The following BST2 variants were observed in gnomAD, a reference collection of about 807,000 sequenced individuals.
BST2 encodes bone marrow stromal antigen 2.
BST2 carries 10 observed loss-of-function variants against 18.6 expected under a neutral mutation model. That is an observed-to-expected ratio of 0.54 (90% CI 0.33 to 0.91). The LOEUF (loss-of-function observed/expected upper bound fraction) is 0.91. Among genes scored for constraint, BST2 ranks in the 40% least tolerant of loss-of-function variants. The pLI is 0.02. For synonymous variants in BST2, 75 were observed against 96.8 expected, an observed-to-expected ratio of 0.77 and a Z score of 1.32; for missense variants, 183 against 228.4, an observed-to-expected ratio of 0.80 and a Z score of 1.28.
rs1246890780 is a variant in BST2 at position 17,405,385 on chromosome 19, C to A, written c.191G>T (p.Arg64Leu). 6.2e-7 allele frequency: 1 copy of A among 1,614,110 alleles called. No homozygotes were observed. Among genetic ancestry groups the A allele is most frequent in the Non-Finnish European group, 8.5e-7 (1 of 1,180,046 alleles). ...TTGTTGCAGGAGATGGGTGACATTG[C>A]GACACTCCATCACTGCCCGAAGGCC... Reference protein sequence around the residue: ...RDGLRAVMECRNVTHLLQQEL... With the variant: ...RDGLRAVMECLNVTHLLQQEL... The change falls in exon 1 of 5, where the codon CGC (arginine) becomes CTC (leucine). Residue 64 changes from arginine to leucine, a missense_variant. Arg to Leu is a moderately radical substitution (Grantham distance 102). Transcript: ENST00000252593.
At chr19:17,403,393 G>GGCCCCAAGCCCC in intron 4 of BST2, 67 bp from the exon 5 acceptor site, 1 of 1,042,882 alleles carries the variant, frequency 9.6e-7, no homozygotes, top group Non-Finnish European at 1.2e-6. Flanking sequence ...CTCCAAGCCC[G>GGCCCCAAGCCCC]GCCCCAAGCC....
intron 4 of BST2, 75 bp from the exon 5 acceptor site, chr19:17,403,401 GCCCC>G: frequency 3.1e-6 from 3 of 959,838 alleles, no homozygotes; most frequent in South Asian, 4.4e-5. Flanking sequence ...CCGGCCCCAA[GCCCC>G]GCCCCCATCG....
intron 1 of BST2, among the ~76,000 whole-genome samples, chr19:17,404,911 G>A (rs2074717057): frequency 6.6e-6 from 1 of 152,086 alleles, no homozygotes; most frequent in Admixed American, 6.5e-5. Context: ...TTCAGGGTCT[G>A]GTGAGGTCCC....
intron 3 of BST2, 139 bp downstream of exon 3, chr19:17,403,990 T>A (rs1192760698): frequency 7.5e-7 from 1 of 1,327,876 alleles, no homozygotes; most frequent in African/African-American, 1.5e-5. Flanking sequence ...GGCTAAGTTA[T>A]CCTTTTGTGG....
chr19:17,403,648 C>T, intron 4 of BST2, 32 bp downstream of exon 4: 2 of 1,578,506 alleles, frequency 1.3e-6, no homozygotes, highest in Non-Finnish European at 1.7e-6. Flanking sequence ...CAGCTTTCTT[C>T]TCCCTCCCGG....
In BST2 at chr19:17,405,388, C is replaced by T; in HGVS notation, c.188G>A (p.Cys63Tyr). ...CRDGLRAVME[C>Y]RNVTHLLQQE... ...TTGCAGGAGATGGGTGACATTGCGA[C>T]ACTCCATCACTGCCCGAAGGCCGTC... Residue 63 changes from cysteine to tyrosine, a missense_variant, in exon 1 of 5, where the codon TGT (cysteine) becomes TAT (tyrosine). Transcript: ENST00000252593. 6.2e-7 allele frequency: 1 copy of T among 1,614,258 alleles called. No individual in the cohort carries two copies. Among genetic ancestry groups the T allele is most frequent in the Non-Finnish European group, 8.5e-7 (1 of 1,180,042 alleles).
At chr19:17,403,912 G>A in intron 3 of BST2, 88 bp from the exon 4 acceptor site, 2 of 1,504,704 alleles carry the variant, frequency 1.3e-6, no homozygotes, top group Non-Finnish European at 1.8e-6. Flanking sequence ...AGTTCCCCCC[G>A]CACCGCCCCA....
chr19:17,403,728 A>T lies in BST2; in HGVS notation c.510T>A (p.Ile170=). ...GCAGAGCGCTGAGGCCCAGCAGCACAATCAGCAGCTGGGGCGCCGCAGCGG... is the reference window on the plus strand; with the variant it reads ...GCAGAGCGCTGAGGCCCAGCAGCACTATCAGCAGCTGGGGCGCCGCAGCGG... ...SSSAAAPQLL[I]VLLGLSALLQ Residue 170 remains isoleucine (I), a synonymous_variant, in exon 4 of 5, where the codon ATT becomes ATA. Transcript: ENST00000252593. The T allele has an allele frequency of 1.9e-6, 3 of 1,613,252 alleles. No homozygotes were observed. The highest frequency in any genetic ancestry group is 2.5e-6 in the Non-Finnish European group (3 of 1,179,686).
At chr19:17,404,223 G>A (rs1445378491) in intron 2 of BST2, 34 bp from the exon 3 acceptor site, 2 of 1,592,096 alleles carry the variant, frequency 1.3e-6, no homozygotes, top group Non-Finnish European at 1.7e-6. Flanking sequence ...CAGGGGGCGG[G>A]TCAGCATGTG....
rs553170848 is a variant in BST2, at chr19:17,403,453, C to T, written c.*16-127G>A. The T allele has an allele frequency of 2.4e-3, 1,967 of 813,600 alleles. 13 individuals carry two copies. The highest frequency in any genetic ancestry group is 0.018 in the Admixed American group (312 of 17,214). 50.4% of individuals were successfully genotyped at this position (813,600 alleles called of 1,614,324 possible). A position where few individuals can be genotyped will look rare whatever the true frequency, so the allele number is the denominator to read the frequency against. ...CACCCATCCATAAGCCCCTCCCCTC[C>T]ATCGATAGACCCGCCCCCATTGATA... On this transcript the variant is annotated intron_variant, in intron 4 of 4. Coordinates refer to ENST00000252593, the MANE Select transcript of BST2 (RefSeq NM_004335.4).
chr19:17,403,041 A>C lies in BST2; in HGVS notation c.*301T>G. Reference sequence around the variant, plus strand: ...AAAAAAACCCATAACAACAGGCAGCACATGCCCCCCACACCGCACCCCATG... The same window carrying C: ...AAAAAAACCCATAACAACAGGCAGCCCATGCCCCCCACACCGCACCCCATG... On this transcript the variant is annotated 3_prime_UTR_variant, in exon 5 of 5. Transcript: ENST00000252593. The C allele has an allele frequency of 1.0e-6, 1 of 984,440 alleles. No individual in the cohort carries two copies. Among genetic ancestry groups the C allele is most frequent in the Non-Finnish European group, 1.2e-6 (1 of 829,676 alleles). The allele number at this position is 984,440 out of a possible 1,614,324, so 61.0% of individuals were successfully genotyped here.
In BST2 at chr19:17,404,110, G is replaced by A. The variant is rs2074712078; in HGVS notation, c.413+19C>T. 1.9e-6 allele frequency: 3 copies of A among 1,573,036 alleles called. No individual in the cohort carries two copies. Among genetic ancestry groups the A allele is most frequent in the African/African-American group, 1.4e-5 (1 of 73,832 alleles). Reference sequence around the variant, plus strand: ...GGAATGTGGCAGGTGGAGGGTAGCGGGGGAAGGCTATCTCTGACCTCAGTC... The same window carrying A: ...GGAATGTGGCAGGTGGAGGGTAGCGAGGGAAGGCTATCTCTGACCTCAGTC... On this transcript the variant is annotated intron_variant, in intron 3 of 4. Coordinates refer to ENST00000252593, the MANE Select transcript of BST2 (RefSeq NM_004335.4).
chr19:17,403,176 C>CA lies in BST2; in HGVS notation c.*165dup. 1 of 991,424 alleles carries CA rather than the reference C, an allele frequency of 1.0e-6. No homozygotes were observed. Among genetic ancestry groups the CA allele is most frequent in the Non-Finnish European group, 1.2e-6 (1 of 833,408 alleles). 61.4% of individuals were successfully genotyped at this position (991,424 alleles called of 1,614,324 possible). A position where few individuals can be genotyped will look rare whatever the true frequency, so the allele number is the denominator to read the frequency against. The stretch of plus-strand genomic sequence containing the variant: ...TGTGTCCCCACACCCAGGACTTCCC[C>CA]ATGGCCCCTCCAGACCTGCTCCAGA... On this transcript the variant is annotated 3_prime_UTR_variant, in exon 5 of 5. Coordinates refer to ENST00000252593, the MANE Select transcript of BST2 (RefSeq NM_004335.4).
At chr19:17,405,265 C>A (rs1053863131) in intron 1 of BST2, 26 bp downstream of exon 1, 30 of 1,588,002 alleles carry the variant, frequency 1.9e-5, no homozygotes, top group Admixed American at 1.6e-4. Context: ...TAGTACTAGG[C>A]CATCCAAAGG....
At chr19:17,403,568 G>C (rs1390013659) in intron 4 of BST2, 112 bp downstream of exon 4, 1 of 1,382,008 alleles carries the variant, frequency 7.2e-7, no homozygotes, top group Non-Finnish European at 9.5e-7. Flanking sequence ...CCTCACCTCT[G>C]CGCCCAGTCC....
rs1407953235 is a variant in BST2 at position 17,403,677 on chromosome 19, G to T, written c.*15+3C>A. On this transcript the variant is annotated splice_donor_region_variant and intron_variant, in intron 4 of 4. Coordinates refer to ENST00000252593, the MANE Select transcript of BST2 (RefSeq NM_004335.4). ...CTCCCGGGGCCGCCCCCTCCTCACT[G>T]ACCAGCTTCCTGGGATCTCACTGCA... 3 of 1,608,326 alleles carry T rather than the reference G, an allele frequency of 1.9e-6. No homozygotes were observed. The South Asian group carries it at 3.3e-5, about 18-fold the overall frequency.
Position 17,403,746 on chromosome 19 carries a change from C to T in BST2, c.492G>A (p.Ala164=), listed in dbSNP as rs143149224. The T allele has an allele frequency of 1.5e-5, 24 of 1,613,830 alleles. No homozygotes were observed. The highest frequency in any genetic ancestry group is 1.6e-4 in the Middle Eastern group (1 of 6,078). The stretch of plus-strand genomic sequence containing the variant: ...GCAGCACAATCAGCAGCTGGGGCGC[C>T]GCAGCGGAGCTGGAGTCCTGGGAGC... The part of the protein sequence containing the change: ...YPSSQDSSSA[A]APQLLIVLLG... Residue 164 remains alanine, a synonymous_variant, in exon 4 of 5, where the codon GCG becomes GCA. Transcript: ENST00000252593.
chr19:17,404,575 C>T, intron 1 of BST2, 138 bp from the exon 2 acceptor site: 1 of 1,301,474 alleles, frequency 7.7e-7, no homozygotes, highest in Non-Finnish European at 1.1e-6. Context: ...ACCCTCTCTG[C>T]ACCATGGTCT....
chr19:17,403,944 A>G (rs2074710900), intron 3 of BST2, 120 bp from the exon 4 acceptor site: 5 of 1,418,090 alleles, frequency 3.5e-6, no homozygotes, highest in Middle Eastern at 1.8e-4. Flanking sequence ...CGGGGAGGGA[A>G]TGGACAGCGG....
Sources: gnomAD v4.1 joint callset for allele counts (sites outside exome capture counted in the v4.1 genomes callset) on GRCh38, gnomAD v4.1.1 for gene constraint, MANE v1.5 for transcripts, NCBI Gene and HGNC (gene_info 2026-07-23, HGNC 2026-07-21) for gene names.